The following SPATA6 variants were observed in gnomAD, a reference collection of about 807,000 sequenced individuals.
The protein encoded by SPATA6 is spermatogenesis-associated protein 6.
In SPATA6, 56 loss-of-function variants were observed where a neutral mutation model predicts 65.3. That is an observed-to-expected ratio of 0.86 (90% CI 0.69 to 1.07). The LOEUF (loss-of-function observed/expected upper bound fraction) is 1.07, where lower values mean the gene tolerates loss of function less well. SPATA6 is among the 50% of genes least tolerant of loss of function. The pLI, the probability that SPATA6 is intolerant of heterozygous loss-of-function variation, is 0.00. For missense variants in SPATA6, 590 were observed against 594.8 expected (o/e 0.99, Z 0.08); for synonymous variants, 199 against 213.2 (o/e 0.93, Z 0.58).
chr1:48,364,346 T>C (rs1333377147), intron 9 of SPATA6, among the ~76,000 whole-genome samples: 70 of 152,360 alleles, frequency 4.6e-4, no homozygotes, highest in Non-Finnish European at 7.3e-5. Context: ...CAAATGGTAC[T>C]TCTAGTTCTA....
downstream of SPATA6, among the ~76,000 whole-genome samples, chr1:48,294,938 C>T (rs1464146312): frequency 6.6e-6 from 1 of 152,178 alleles, no homozygotes; most frequent in Admixed American, 6.5e-5. Flanking sequence ...GGCCTTTATC[C>T]CCATTCTTGC....
Position 48,364,125 on chromosome 1 carries a change from A to G in SPATA6, c.910-4355T>C, listed in dbSNP as rs927591535. 4.5e-4 allele frequency among the ~76,000 whole-genome samples: 68 copies of G among 152,346 alleles called. 1 individual carries two copies. The highest frequency in any genetic ancestry group is 1.6e-3 in the African/African-American group (66 of 41,570). ...TTTCATCCATGTCCCTACAAAGGAC[A>G]TGAACTCATCATTTTTTATGGCTGC... On this transcript the variant is annotated intron_variant, in intron 9 of 12. Coordinates refer to ENST00000371847, the MANE Select transcript of SPATA6 (RefSeq NM_019073.4).
chr1:48,458,873 T>C (rs1302037067), intron 1 of SPATA6, among the ~76,000 whole-genome samples: 1 of 152,122 alleles, frequency 6.6e-6, no homozygotes, highest in Non-Finnish European at 1.5e-5. Context: ...TGCACAACTT[T>C]GTGAATATAC....
chr1:48,450,805 C>T (rs186008160), intron 3 of SPATA6, among the ~76,000 whole-genome samples: 2 of 152,230 alleles, frequency 1.3e-5, no homozygotes, highest in Admixed American at 6.5e-5. Context: ...GCTGAAGTCG[C>T]AATGGGGCCA....
intron 11 of SPATA6, among the ~76,000 whole-genome samples, chr1:48,308,302 G>C (rs919212382): frequency 6.6e-6 from 1 of 151,924 alleles, no homozygotes; most frequent in Non-Finnish European, 1.5e-5. Flanking sequence ...TCTAAGTTTA[G>C]ATGATATCAA....
At chr1:48,275,604 G>C in the SPATA6 span, among the ~76,000 whole-genome samples, 1 of 152,074 alleles carries the variant, frequency 6.6e-6, no homozygotes, top group African/African-American at 2.4e-5. Context: ...TAATCACGTG[G>C]TTTTTGTCAT....
At chr1:48,438,047 G>A (rs961601110) in intron 3 of SPATA6, among the ~76,000 whole-genome samples, 3 of 152,054 alleles carry the variant, frequency 2.0e-5, no homozygotes, top group Non-Finnish European at 2.9e-5. Context: ...GGAACAAAAG[G>A]TGGCCACCCC....
chr1:48,316,172 G>GA (rs533484230), intron 11 of SPATA6, among the ~76,000 whole-genome samples: 14 of 152,050 alleles, frequency 9.2e-5, no homozygotes, highest in Non-Finnish European at 1.8e-4. Context: ...CATAGAATTG[G>GA]AAAAAACTAC....
chr1:48,423,031 TAAC>T (rs1177490126), intron 3 of SPATA6, among the ~76,000 whole-genome samples: 2 of 152,168 alleles, frequency 1.3e-5, no homozygotes, highest in Non-Finnish European at 2.9e-5. Context: ...TACTGGGACA[TAAC>T]AACATAGATA....
At chr1:48,361,446 CG>C (rs902784854) in intron 9 of SPATA6, among the ~76,000 whole-genome samples, 9 of 151,960 alleles carry the variant, frequency 5.9e-5, no homozygotes, top group African/African-American at 2.2e-4. Flanking sequence ...ATAGCTTTAA[CG>C]GAGTGACAAG....
At chr1:48,380,710 T>C (rs568084921) in intron 9 of SPATA6, among the ~76,000 whole-genome samples, 3 of 152,334 alleles carry the variant, frequency 2.0e-5, no homozygotes, top group Admixed American at 1.3e-4. Flanking sequence ...AATAGGTCCT[T>C]GCCATACTGT....
chr1:48,279,361 G>T, the SPATA6 span, among the ~76,000 whole-genome samples: 1 of 152,146 alleles, frequency 6.6e-6, no homozygotes, highest in Non-Finnish European at 1.5e-5. Context: ...TGGGCTAAAT[G>T]CTCCAATTAA....
rs199508980 is a variant in SPATA6, at chr1:48,298,682, C to T, written c.*31G>A. ...AAACATTTTCATTGAGAAATTGACA[C>T]GGACACTAATGAGGTTTATCATGGA... On this transcript the variant is annotated 3_prime_UTR_variant, in exon 13 of 13. Transcript: ENST00000371847. 4.7e-5 allele frequency: 73 copies of T among 1,551,632 alleles called. No individual in the cohort carries two copies. The African/African-American group carries it at 8.0e-4, about 17-fold the overall frequency.
intron 5 of SPATA6, among the ~76,000 whole-genome samples, chr1:48,410,509 C>T (rs1652115985): frequency 6.6e-6 from 1 of 152,210 alleles, no homozygotes; most frequent in African/African-American, 2.4e-5. Flanking sequence ...AGCAATGCCA[C>T]ACTACCTCGG....
chr1:48,344,007 A>T (rs1646292360), intron 11 of SPATA6, among the ~76,000 whole-genome samples: 4 of 152,174 alleles, frequency 2.6e-5, no homozygotes, highest in Admixed American at 1.3e-4. Context: ...ATAGAAAACA[A>T]TAGGTTTATA....
chr1:48,386,764 T>TG (rs1243553607), intron 8 of SPATA6, among the ~76,000 whole-genome samples: 5 of 152,194 alleles, frequency 3.3e-5, no homozygotes, highest in Non-Finnish European at 5.9e-5. Flanking sequence ...GATTGTACCA[T>TG]GCACTGCCCA....
At chr1:48,404,710 G>A (rs1182413283) in intron 5 of SPATA6, among the ~76,000 whole-genome samples, 1 of 152,052 alleles carries the variant, frequency 6.6e-6, no homozygotes, top group Non-Finnish European at 1.5e-5. Context: ...CTTGAAAACA[G>A]AAAAGATAAG....
chr1:48,271,034 T>C, the SPATA6 span, among the ~76,000 whole-genome samples: 1 of 152,114 alleles, frequency 6.6e-6, no homozygotes, highest in Non-Finnish European at 1.5e-5. Flanking sequence ...AAATGAACTG[T>C]TTGTGAATGA....
chr1:48,366,743 C>A (rs1212449247), intron 9 of SPATA6, among the ~76,000 whole-genome samples: 1 of 152,108 alleles, frequency 6.6e-6, no homozygotes, highest in Non-Finnish European at 1.5e-5. Context: ...TTTCAAAAAA[C>A]CAGCTCCTGG....
Sources: allele counts gnomAD v4.1 joint callset (sites outside exome capture counted in the v4.1 genomes callset), GRCh38; gene constraint gnomAD v4.1.1; transcripts MANE v1.5; gene names NCBI Gene and HGNC (gene_info 2026-07-23, HGNC 2026-07-21).